The following GAPVD1 variants were observed in gnomAD, a reference collection of about 807,000 sequenced individuals.
GAPVD1 encodes the protein GTPase-activating protein and VPS9 domain-containing protein 1.
A neutral mutation model predicts 155.5 loss-of-function variants in GAPVD1; 35 were observed. That is an observed-to-expected ratio of 0.23 (90% CI 0.17 to 0.30). The LOEUF (loss-of-function observed/expected upper bound fraction) is 0.30, where lower values mean the gene tolerates loss of function less well. Ranked by LOEUF, GAPVD1 falls within the 10% of genes least tolerant of loss-of-function variation. The pLI is 1.00. For synonymous variants in GAPVD1, 636 were observed against 619.7 expected (o/e 1.03, Z -0.39); for missense variants, 1,429 against 1,775.7 (o/e 0.80, Z 3.51).
At chr9:125,349,131 A>G (rs1297422151) in intron 20 of GAPVD1, among the ~76,000 whole-genome samples, 8 of 152,212 alleles carry the variant, frequency 5.3e-5, no homozygotes, top group Non-Finnish European at 7.3e-5. Flanking sequence ...ATTATTTTGC[A>G]TTAGTTCATT....
At chr9:125,292,082 A>G (rs1838694459) in intron 2 of GAPVD1, among the ~76,000 whole-genome samples, 2 of 152,042 alleles carry the variant, frequency 1.3e-5, no homozygotes, top group Non-Finnish European at 2.9e-5. Context: ...CACAAAAAGC[A>G]AATTTTAAAA....
intron 2 of GAPVD1, among the ~76,000 whole-genome samples, chr9:125,286,410 C>T (rs937108376): frequency 6.6e-6 from 1 of 151,978 alleles, no homozygotes; most frequent in South Asian, 2.1e-4. Flanking sequence ...TCCCAAAGTG[C>T]TGGAATTACA....
intron 11 of GAPVD1, among the ~76,000 whole-genome samples, chr9:125,324,634 G>A (rs1174980729): frequency 6.6e-6 from 1 of 152,104 alleles, no homozygotes; most frequent in Non-Finnish European, 1.5e-5. Flanking sequence ...GAAAATATTA[G>A]CCTTGAGGGC....
intron 10 of GAPVD1, among the ~76,000 whole-genome samples, chr9:125,322,616 G>A (rs1444795475): frequency 6.6e-6 from 1 of 151,976 alleles, no homozygotes; most frequent in African/African-American, 2.4e-5. Context: ...TAATAATATG[G>A]CATTAACATT....
At chr9:125,307,623 T>C (rs1842057525) in intron 7 of GAPVD1, 68 bp from the exon 8 acceptor site, 3 of 1,556,054 alleles carry the variant, frequency 1.9e-6, no homozygotes, top group East Asian at 4.5e-5. Context: ...CATGAGTACA[T>C]TGTGTGGGAA....
chr9:125,280,569 C>T (rs930249579), intron 2 of GAPVD1, among the ~76,000 whole-genome samples: 2 of 150,518 alleles, frequency 1.3e-5, no homozygotes, highest in African/African-American at 4.9e-5. Context: ...TCAACTGTTA[C>T]TACTACTTTT....
chr9:125,339,424 ATATCTT>A (rs375138190), intron 17 of GAPVD1, among the ~76,000 whole-genome samples: 1 of 152,344 alleles, frequency 6.6e-6, no homozygotes, highest in East Asian at 1.9e-4. Flanking sequence ...TTCTTTGAGC[ATATCTT>A]TACTTTCTGG....
At chr9:125,360,421 A>G (rs1337186505) in intron 26 of GAPVD1, 107 bp from the exon 27 acceptor site, 1 of 811,252 alleles carries the variant, frequency 1.2e-6, no homozygotes, top group East Asian at 2.5e-5. Flanking sequence ...AAAGAGAGGA[A>G]AAAGCAACCA....
intron 21 of GAPVD1, 139 bp downstream of exon 21, chr9:125,349,658 C>G: frequency 1.4e-6 from 1 of 717,054 alleles, no homozygotes; most frequent in Admixed American, 2.8e-5. Context: ...ACTAAGAAGA[C>G]TTTGTTTCAG....
Position 125,292,283 on chromosome 9 carries a change from C to T in GAPVD1, c.-149-3175C>T, listed in dbSNP as rs114325638. Among the ~76,000 whole-genome samples the T allele has an allele frequency of 1.7e-3, 260 of 152,152 alleles. 1 individual carries two copies. The highest frequency in any genetic ancestry group is 5.9e-3 in the African/African-American group (243 of 41,528). ...CAACAACAACAAAAGAAACACAAAGCTGTTTAGAGATTTGGTTTTGCAGGA... is the reference window on the plus strand; with the variant it reads ...CAACAACAACAAAAGAAACACAAAGTTGTTTAGAGATTTGGTTTTGCAGGA... On this transcript the variant is annotated intron_variant, in intron 2 of 27. Transcript: ENST00000297933.
At chr9:125,273,815 T>C (rs979911203) in intron 2 of GAPVD1, among the ~76,000 whole-genome samples, 27 of 152,148 alleles carry the variant, frequency 1.8e-4, no homozygotes, top group Admixed American at 1.4e-3. Flanking sequence ...CTAGTGGTTT[T>C]CTTGGACCTC....
intron 15 of GAPVD1, among the ~76,000 whole-genome samples, chr9:125,334,400 C>A (rs969263269): frequency 1.3e-5 from 2 of 152,000 alleles, no homozygotes; most frequent in Non-Finnish European, 2.9e-5. Flanking sequence ...AGGAAGCACC[C>A]ATATTGCGTT....
At chr9:125,316,314 G>A (rs1843417588) in intron 9 of GAPVD1, among the ~76,000 whole-genome samples, 1 of 152,042 alleles carries the variant, frequency 6.6e-6, no homozygotes, top group Admixed American at 6.6e-5. Context: ...TTCTCCTAAT[G>A]ATATCCCTCC....
intron 9 of GAPVD1, among the ~76,000 whole-genome samples, chr9:125,317,631 A>G (rs1192735962): frequency 2.0e-5 from 3 of 151,574 alleles, no homozygotes; most frequent in Non-Finnish European, 4.4e-5. Context: ...GTCTCAAAAA[A>G]AAAAAAAAAA....
At chr9:125,301,862 C>A in intron 4 of GAPVD1, 121 bp from the exon 5 acceptor site, 1 of 784,994 alleles carries the variant, frequency 1.3e-6, no homozygotes. Context: ...TTTAGCAATT[C>A]AGAGTGACCT....
intron 26 of GAPVD1, 61 bp downstream of exon 26, chr9:125,359,553 A>G: frequency 1.2e-6 from 1 of 832,676 alleles, no homozygotes. Context: ...ATTATACCAT[A>G]TAATGTTACC....
intron 8 of GAPVD1, among the ~76,000 whole-genome samples, chr9:125,310,337 T>G (rs1842477772): frequency 1.3e-5 from 2 of 152,262 alleles, no homozygotes; most frequent in Middle Eastern, 3.4e-3. Flanking sequence ...TAAAGAAAGG[T>G]GATTGTTTAT....
chr9:125,337,784 A>G (rs1435390409), intron 17 of GAPVD1, among the ~76,000 whole-genome samples, 193 bp downstream of exon 17: 3 of 152,238 alleles, frequency 2.0e-5, no homozygotes, highest in Non-Finnish European at 4.4e-5. Flanking sequence ...TAGTGATACT[A>G]TCTTGCATTT....
chr9:125,304,414 TG>T (rs1841457447), intron 5 of GAPVD1, among the ~76,000 whole-genome samples: 1 of 152,178 alleles, frequency 6.6e-6, no homozygotes, highest in South Asian at 2.1e-4. Flanking sequence ...TAGTTTTTTT[TG>T]TTTGTTTTTT....
Sources: gnomAD v4.1 joint callset for allele counts (sites outside exome capture counted in the v4.1 genomes callset) on GRCh38, gnomAD v4.1.1 for gene constraint, MANE v1.5 for transcripts, NCBI Gene and HGNC (gene_info 2026-07-23, HGNC 2026-07-21) for gene names.